HRC: variants seen among roughly 807,000 people sequenced by gnomAD.
HRC encodes the protein histidine rich calcium binding protein.
Under a neutral mutation model 61.4 loss-of-function variants are expected in HRC, and 41 were observed. The observed-to-expected ratio is 0.67, with a 90% confidence interval of 0.52 to 0.87. The LOEUF (loss-of-function observed/expected upper bound fraction) is 0.87, where lower values mean the gene tolerates loss of function less well. Among genes scored for constraint, HRC ranks in the 40% least tolerant of loss-of-function variants. The pLI, the probability that HRC is intolerant of heterozygous loss-of-function variation, is 0.00. For synonymous variants in HRC, 308 were observed against 326.6 expected (o/e 0.94, Z 0.62); for missense variants, 839 against 885.8 (o/e 0.95, Z 0.67).
At position 49,155,077 on chromosome 19, in the gene HRC, G is replaced by A; in HGVS notation, c.161C>T (p.Ser54Leu). 6.2e-7 allele frequency: 1 copy of A among 1,614,198 alleles called. No individual in the cohort carries two copies. The highest frequency in any genetic ancestry group is 1.1e-5 in the South Asian group (1 of 91,082). The change falls in exon 1 of 6, where the codon TCA (serine) becomes TTA (leucine). Residue 54 changes from serine to leucine, a missense_variant. Coordinates refer to ENST00000252825, the MANE Select transcript of HRC (RefSeq NM_002152.3). The surrounding 1 kb of genome is among the most constrained non-coding windows in gnomAD (Gnocchi z 4.7). ...TGVAGLSEEA[S>L]AELRHHLHSP... ...GTGGAGGTGGTGGCGAAGCTCTGCTGATGCCTCCTCGGAGAGCCCGGCGAC... is the reference window on the plus strand; with the variant it reads ...GTGGAGGTGGTGGCGAAGCTCTGCTAATGCCTCCTCGGAGAGCCCGGCGAC...
intron 4 of HRC, 136 bp from the exon 5 acceptor site, chr19:49,151,689 A>G (rs1398994231): frequency 3.9e-5 from 31 of 793,184 alleles, no homozygotes; most frequent in Non-Finnish European, 6.0e-5. Flanking sequence ...AATCCCTTCT[A>G]CCGGACCCCT....
Position 49,154,121 on chromosome 19 carries a change from G to C in HRC, c.1117C>G (p.Leu373Val), listed in dbSNP as rs1337425458. ...HQGPQHVHHGLVDEEEEEEEI... is the reference protein window; with the variant it reads ...HQGPQHVHHGVVDEEEEEEEI... ...TCTTCTTCCTCTTCCTCATCTACAA[G>C]GCCATGGTGGACATGTTGGGGACCC... Residue 373 changes from leucine (L) to valine (V), a missense_variant, in exon 1 of 6, where the codon CTT (leucine) becomes GTT (valine). Coordinates refer to ENST00000252825, the MANE Select transcript of HRC (RefSeq NM_002152.3). The C allele has an allele frequency of 6.2e-6, 10 of 1,614,112 alleles. No individual in the cohort carries two copies. Among genetic ancestry groups the C allele is most frequent in the Non-Finnish European group, 8.5e-6 (10 of 1,180,026 alleles).
At position 49,153,824 on chromosome 19, in the gene HRC, T is replaced by G; in HGVS notation, c.1414A>C (p.Lys472Gln). The G allele has an allele frequency of 6.2e-7, 1 of 1,614,150 alleles. No homozygotes were observed. Among genetic ancestry groups the G allele is most frequent in the South Asian group, 1.1e-5 (1 of 91,070 alleles). Reference sequence around the variant, plus strand: ...TCCTTCCTCAAATGGCTTCTATCCTTGACCACTGTGTGTCCTGGGGGGTGA... The same window carrying G: ...TCCTTCCTCAAATGGCTTCTATCCTGGACCACTGTGTGTCCTGGGGGGTGA... ...SHHPPGHTVV[K>Q]DRSHLRKDDS... The change falls in exon 1 of 6, where the codon AAG becomes CAG. Residue 472 changes from lysine to glutamine, a missense_variant. Physicochemically the swap from Lys to Gln is moderately conservative, Grantham distance 53. Transcript: ENST00000252825. The surrounding 1 kb of genome is among the most constrained non-coding windows in gnomAD (Gnocchi z 4.8).
At chr19:49,152,447 AC>A in intron 2 of HRC, 69 bp from the exon 3 acceptor site, 1 of 1,249,022 alleles carries the variant, frequency 8.0e-7, no homozygotes. Flanking sequence ...CCCCTGGCCC[AC>A]CCCTGCACCC....
chr19:49,154,010 A>T lies in HRC; in HGVS notation c.1228T>A (p.Tyr410Asn). Reference protein sequence around the residue: ...KSDEEDFQDEYKTEVPHHHHH... With the variant: ...KSDEEDFQDENKTEVPHHHHH... The stretch of plus-strand genomic sequence containing the variant: ...TGATGGTGAGGGACTTCTGTTTTAT[A>T]CTCATCTTGGAAGTCCTCTTCATCA... Residue 410 changes from tyrosine to asparagine, a missense_variant, in exon 1 of 6, where the codon TAT becomes AAT. By Grantham distance (143) the Tyr-to-Asn change is moderately radical. Transcript: ENST00000252825. The T allele has an allele frequency of 6.2e-7, 1 of 1,612,428 alleles. No individual in the cohort carries two copies. The highest frequency in any genetic ancestry group is 8.5e-7 in the Non-Finnish European group (1 of 1,179,644).
rs748903487 is a variant in HRC, at chr19:49,153,624, T to A, written c.1614A>T (p.Glu538Asp). ...CTTCCTCCTCCTCCTCCTCCTTGTC[T>A]TCCTCTTCTTCCTCCTCCTGGTTCA... The part of the protein sequence containing the change: ...LSLNQEEEEE[E>D]DKEEEEEEED... The change falls in exon 1 of 6, where the codon GAA (glutamate) becomes GAT (aspartate). Residue 538 changes from glutamate to aspartate, a missense_variant. Glu to Asp is a conservative substitution (Grantham distance 45, BLOSUM62 2). Transcript: ENST00000252825. The surrounding 1 kb of genome is among the most constrained non-coding windows in gnomAD (Gnocchi z 4.8). 5.8e-6 allele frequency: 9 copies of A among 1,538,596 alleles called. No homozygotes were observed. Among genetic ancestry groups the A allele is most frequent in the Non-Finnish European group, 8.1e-6 (9 of 1,114,998 alleles).
Position 49,154,632 on chromosome 19 carries a change from T to TTCCTCCTCCTCCTCCTCCTCC in HRC, c.585_605dup (p.Glu198_Glu204dup), listed in dbSNP as rs57199624. 20 of 1,579,426 alleles carry TTCCTCCTCCTCCTCCTCCTCC rather than the reference T, an allele frequency of 1.3e-5. No individual in the cohort carries two copies. In the African/African-American group the frequency reaches 1.6e-4, roughly 13 times the overall value. ...GTCCATACTCAGTGGAGGCCTCCTC[T>TTCCTCCTCCTCCTCCTCCTCC]TCCTCCTCCTCCTCCTCCTCCTCCT... On this transcript the variant is annotated inframe_insertion, in exon 1 of 6. Transcript: ENST00000252825.
At position 49,154,098 on chromosome 19, in the gene HRC, T is replaced by C. The variant is rs1555746718; in HGVS notation, c.1140A>G (p.Glu380=). 1 of 1,614,208 alleles carries C rather than the reference T, an allele frequency of 6.2e-7. No homozygotes were observed. The highest frequency in any genetic ancestry group is 8.5e-7 in the Non-Finnish European group (1 of 1,180,038). ...GGCCGAACTGGACTGTGATCTCCTC[T>C]TCTTCCTCTTCCTCATCTACAAGGC... The part of the protein sequence containing the change: ...HHGLVDEEEE[E]EEITVQFGHY... Residue 380 remains glutamate, a synonymous_variant, in exon 1 of 6, where the codon GAA becomes GAG. Coordinates refer to ENST00000252825, the MANE Select transcript of HRC (RefSeq NM_002152.3).
intron 3 of HRC, 87 bp from the exon 4 acceptor site, chr19:49,152,145 A>G: frequency 7.5e-7 from 1 of 1,339,014 alleles, no homozygotes; most frequent in Admixed American, 1.7e-5. Flanking sequence ...CCCGGACCAG[A>G]GGCTAGGTCT....
Position 49,154,605 on chromosome 19 carries a change from G to T in HRC, c.633C>A (p.His211Gln). The change falls in exon 1 of 6, where the codon CAC becomes CAA. Residue 211 changes from histidine to glutamine, a missense_variant. Transcript: ENST00000252825. ...EEEEASTEYGHQAHRHRGHGS... is the reference protein window; with the variant it reads ...EEEEASTEYGQQAHRHRGHGS... ...CATGGCCTCGGTGCCTGTGGGCCTGGTGTCCATACTCAGTGGAGGCCTCCT... is the reference window on the plus strand; with the variant it reads ...CATGGCCTCGGTGCCTGTGGGCCTGTTGTCCATACTCAGTGGAGGCCTCCT... 1 of 1,603,490 alleles carries T rather than the reference G, an allele frequency of 6.2e-7. No homozygotes were observed. Among genetic ancestry groups the T allele is most frequent in the South Asian group, 1.1e-5 (1 of 90,332 alleles).
chr19:49,153,407 C>G lies in HRC; in HGVS notation c.1831G>C (p.Gly611Arg). The change falls in exon 1 of 6, where the codon GGT becomes CGT. Residue 611 changes from glycine to arginine, a missense_variant and splice_region_variant. Gly to Arg is a moderately radical substitution (Grantham distance 125, BLOSUM62 -2). Coordinates refer to ENST00000252825, the MANE Select transcript of HRC (RefSeq NM_002152.3). The surrounding 1 kb of genome is among the most constrained non-coding windows in gnomAD (Gnocchi z 4.8). ...SSEEESGEDT[G>R]PQDAQEYGNY... is the part of the protein sequence containing the mutation. ...ACCCACACCAGCCCAGGCCACTTAC[C>G]TGTGTCCTCACCGCTTTCCTCCTCG... 6.2e-7 allele frequency: 1 copy of G among 1,613,082 alleles called. No homozygotes were observed. The highest frequency in any genetic ancestry group is 8.5e-7 in the Non-Finnish European group (1 of 1,179,142).
rs1459996273 is a variant in HRC, at chr19:49,153,603, C to T, written c.1635G>A (p.Glu545=). Reference sequence around the variant, plus strand: ...CTTCCCTCCTCTCCTCGTCTTCTTCCTCCTCCTCCTCCTCCTTGTCTTCCT... The same window carrying T: ...CTTCCCTCCTCTCCTCGTCTTCTTCTTCCTCCTCCTCCTCCTTGTCTTCCT... The part of the protein sequence containing the change: ...EEEEDKEEEE[E]EEDEERREER... Residue 545 remains glutamate (E), a synonymous_variant, in exon 1 of 6, where the codon GAG becomes GAA. Transcript: ENST00000252825. The surrounding 1 kb of genome is among the most constrained non-coding windows in gnomAD (Gnocchi z 4.8). 9 of 1,349,146 alleles carry T rather than the reference C, an allele frequency of 6.7e-6. No individual in the cohort carries two copies. Among genetic ancestry groups the T allele is most frequent in the South Asian group, 2.5e-5 (2 of 78,916 alleles). The allele number at this position is 1,349,146 out of a possible 1,614,324, so 83.6% of individuals were successfully genotyped here.
In HRC at chr19:49,151,330, G is replaced by C. The variant is rs1273970240; in HGVS notation, c.2066C>G (p.Ala689Gly). 6.4e-7 allele frequency: 1 copy of C among 1,557,270 alleles called. No individual in the cohort carries two copies. The highest frequency in any genetic ancestry group is 2.4e-5 in the East Asian group (1 of 42,030). The change falls in exon 6 of 6, where the codon GCC becomes GGC. Residue 689 changes from alanine (A) to glycine (G), a missense_variant and splice_region_variant. Coordinates refer to ENST00000252825, the MANE Select transcript of HRC (RefSeq NM_002152.3). ...CGGCGTTTCCAGCATGTCTGCCAGGGCCCTGGAGACGAGAACGCCAGAAGT... is the reference window on the plus strand; with the variant it reads ...CGGCGTTTCCAGCATGTCTGCCAGGCCCCTGGAGACGAGAACGCCAGAAGT... ...VDYFSSSLYQ[A>G]LADMLETPEP
chr19:49,154,480 TC>T lies in HRC; in HGVS notation c.757del (p.Asp253MetfsTer122), dbSNP rs753289950. The T allele has an allele frequency of 2.5e-6, 4 of 1,584,120 alleles. No homozygotes were observed. The highest frequency in any genetic ancestry group is 2.8e-5 in the African/African-American group (2 of 72,624). ...ATCATCATCATCATCATCATCATCA[TC>T]ATCATCATCATCATCGTCATCTTCT... ...HEEDDDDDDD[D>X]DDDDDDDDVS... On this transcript the variant is annotated frameshift_variant, in exon 1 of 6. Coordinates refer to ENST00000252825, the MANE Select transcript of HRC (RefSeq NM_002152.3). LOFTEE classifies it high-confidence loss of function.
intron 4 of HRC, 71 bp from the exon 5 acceptor site, chr19:49,151,624 C>T: frequency 2.2e-6 from 3 of 1,364,066 alleles, no homozygotes; most frequent in Non-Finnish European, 1.0e-6. Context: ...CTCAGTATAG[C>T]GTGCGAGATT....
rs777320951 is a variant in HRC at position 49,155,257 on chromosome 19, T to C, written c.-20A>G. 1 of 1,568,146 alleles carries C rather than the reference T, an allele frequency of 6.4e-7. No homozygotes were observed. Among genetic ancestry groups the C allele is most frequent in the Admixed American group, 1.9e-5 (1 of 53,044 alleles). On this transcript the variant is annotated 5_prime_UTR_variant, in exon 1 of 6. Coordinates refer to ENST00000252825, the MANE Select transcript of HRC (RefSeq NM_002152.3). This position sits in a 1 kb window ranked among gnomAD's most constrained non-coding sequence, Gnocchi z 4.7. ...GCCCATGGGGACGGACAGGCAGCAC[T>C]GGCTCCAGCTGCCTCTGCGGCAATG...
At chr19:49,152,506 T>G in intron 2 of HRC, 128 bp from the exon 3 acceptor site, 4 of 622,758 alleles carry the variant, frequency 6.4e-6, no homozygotes, top group South Asian at 2.2e-5. Context: ...CACTGAGCTC[T>G]GTATCTGCCC....
intron 5 of HRC, 24 bp from the exon 6 acceptor site, chr19:49,151,356 TAGAC>T (rs770232710): frequency 2.6e-5 from 40 of 1,556,284 alleles, no homozygotes; most frequent in Non-Finnish European, 3.1e-5. Context: ...CGCCAGAAGT[TAGAC>T]AGCTGGTGTT....
chr19:49,153,772 T>C lies in HRC; in HGVS notation c.1466A>G (p.Glu489Gly), dbSNP rs1302929881. 1.2e-6 allele frequency: 2 copies of C among 1,614,162 alleles called. No homozygotes were observed. The highest frequency in any genetic ancestry group is 3.3e-5 in the Admixed American group (2 of 60,022). The change falls in exon 1 of 6, where the codon GAA becomes GGA. Residue 489 changes from glutamate (E) to glycine (G), a missense_variant. Coordinates refer to ENST00000252825, the MANE Select transcript of HRC (RefSeq NM_002152.3). The surrounding 1 kb of genome is among the most constrained non-coding windows in gnomAD (Gnocchi z 4.8). Reference protein sequence around the residue: ...KDDSEEEKEKEEDPGSHEEDD... With the variant: ...KDDSEEEKEKGEDPGSHEEDD... ...TTCCTCATGGGAGCCGGGGTCCTCT[T>C]CCTTCTCCTTTTCCTCCTCAGAATC...
Sources: allele counts gnomAD v4.1 joint callset, GRCh38; gene constraint gnomAD v4.1.1; non-coding constraint Gnocchi (gnomAD v3.1); transcripts MANE v1.5; gene names NCBI Gene and HGNC (gene_info 2026-07-23, HGNC 2026-07-21).